Variants in TXNL1 observed in about 807,000 individuals in gnomAD.
The protein encoded by TXNL1 is thioredoxin-like protein 1.
TXNL1 carries 14 observed loss-of-function variants against 35.5 expected under a neutral mutation model. The observed-to-expected ratio is 0.39, with a 90% CI of 0.26 to 0.62. The LOEUF (loss-of-function observed/expected upper bound fraction) is 0.62. Among genes scored for constraint, TXNL1 ranks in the 20% least tolerant of loss-of-function variants. The pLI is 0.47. For synonymous variants in TXNL1, 110 were observed against 115.5 expected (o/e 0.95, Z 0.31); for missense variants, 263 against 349.7 (o/e 0.75, Z 1.98).
At chr18:56,637,768 G>A (rs559951088) in intron 1 of TXNL1, among the ~76,000 whole-genome samples, 3 of 152,250 alleles carry the variant, frequency 2.0e-5, no homozygotes, top group African/African-American at 7.2e-5. Context: ...GCCGAACGAG[G>A]AAGAAAAAAG....
rs551686830 is a variant in TXNL1, at chr18:56,635,467, G to A, written c.98+2876C>T. Reference sequence around the variant, plus strand: ...GAAATTCTGAGACATACTAAGACATGGATGAACCTTGAAAATACTATGCTA... The same window carrying A: ...GAAATTCTGAGACATACTAAGACATAGATGAACCTTGAAAATACTATGCTA... On this transcript the variant is annotated intron_variant, in intron 1 of 7. Transcript: ENST00000217515. 3.9e-5 allele frequency among the ~76,000 whole-genome samples: 6 copies of A among 152,250 alleles called. No homozygotes were observed. The East Asian group carries it at 9.6e-4, about 24-fold the overall frequency.
chr18:56,634,040 G>T (rs2024419139), intron 1 of TXNL1, among the ~76,000 whole-genome samples: 1 of 151,082 alleles, frequency 6.6e-6, no homozygotes, highest in South Asian at 2.1e-4. Flanking sequence ...TGGGGAGGGG[G>T]GAGACCAGGG....
intron 1 of TXNL1, among the ~76,000 whole-genome samples, chr18:56,635,014 C>T (rs2024433975): frequency 6.6e-6 from 1 of 152,176 alleles, no homozygotes; most frequent in African/African-American, 2.4e-5. Flanking sequence ...GTAACCCCAG[C>T]AATTTGGGAT....
chr18:56,625,388 A>G (rs1171472854), intron 2 of TXNL1, among the ~76,000 whole-genome samples: 1 of 152,164 alleles, frequency 6.6e-6, no homozygotes, highest in East Asian at 1.9e-4. Flanking sequence ...AATCTAATCA[A>G]CATAAAAAGA....
chr18:56,615,220 AGAAG>A (rs1473660376), intron 5 of TXNL1, among the ~76,000 whole-genome samples: 1 of 152,160 alleles, frequency 6.6e-6, no homozygotes, highest in African/African-American at 2.4e-5. Flanking sequence ...TTGTGGCTGA[AGAAG>A]GAAAAGTAAG....
intron 3 of TXNL1, among the ~76,000 whole-genome samples, chr18:56,621,739 C>A (rs543863684): frequency 1.3e-5 from 2 of 152,008 alleles, no homozygotes; most frequent in African/African-American, 4.8e-5. Context: ...GTGGCTCACA[C>A]GTGTAATCCT....
At chr18:56,616,675 C>A (rs529803560) in intron 4 of TXNL1, among the ~76,000 whole-genome samples, 2 of 152,124 alleles carry the variant, frequency 1.3e-5, no homozygotes, top group Non-Finnish European at 2.9e-5. Context: ...CATAGCTCTA[C>A]GATGGTTTAT....
In TXNL1 at chr18:56,614,499, C is replaced by G. The variant is rs769155225; in HGVS notation, c.660G>C (p.Leu220=). The G allele has an allele frequency of 2.5e-6, 4 of 1,613,936 alleles. No individual in the cohort carries two copies. The highest frequency in any genetic ancestry group is 3.4e-6 in the Non-Finnish European group (4 of 1,179,934). The change falls in exon 6 of 8, where the codon CTG becomes CTC. Residue 220 remains leucine, a synonymous_variant. Transcript: ENST00000217515. ...CATCTTCTTTAATATCATCCTCTGT[C>G]AGTTCCAGAGCTTGAGTTGGTTCAC... is the stretch of plus-strand genomic sequence containing the variant. ...ERSEPTQALE[L]TEDDIKEDGI...
intron 6 of TXNL1, among the ~76,000 whole-genome samples, chr18:56,612,189 T>C (rs1156256531): frequency 1.3e-5 from 2 of 151,896 alleles, no homozygotes; most frequent in East Asian, 1.9e-4. Flanking sequence ...ATAGAGAATG[T>C]TGAAAGGGTA....
At chr18:56,638,200 G>A (rs1323914609) in intron 1 of TXNL1, 143 bp downstream of exon 1, 20 of 800,402 alleles carry the variant, frequency 2.5e-5, no homozygotes, top group Non-Finnish European at 3.6e-5. Flanking sequence ...GAGAAACGAG[G>A]CCTAATTCCG....
At chr18:56,634,633 C>T (rs1228016425) in intron 1 of TXNL1, among the ~76,000 whole-genome samples, 1 of 152,148 alleles carries the variant, frequency 6.6e-6, no homozygotes, top group Non-Finnish European at 1.5e-5. Flanking sequence ...GAACTGGACC[C>T]TAACTTTATG....
At chr18:56,618,276 C>A in intron 3 of TXNL1, 150 bp from the exon 4 acceptor site, 3 of 801,918 alleles carry the variant, frequency 3.7e-6, no homozygotes, top group East Asian at 5.5e-5. Context: ...CTTTCATTTG[C>A]ATTTCTGACT....
chr18:56,631,003 C>T (rs2024361506), intron 1 of TXNL1, among the ~76,000 whole-genome samples: 2 of 152,010 alleles, frequency 1.3e-5, no homozygotes, highest in Non-Finnish European at 2.9e-5. Context: ...ACCTCAGCCT[C>T]CCAAGCAGCT....
intron 3 of TXNL1, among the ~76,000 whole-genome samples, chr18:56,623,004 G>T (rs1289402135): frequency 1.3e-5 from 2 of 150,780 alleles, no homozygotes; most frequent in African/African-American, 2.5e-5. Context: ...CACCCATATA[G>T]AAAGAATCTC....
At chr18:56,624,982 C>T (rs2024252404) in intron 2 of TXNL1, among the ~76,000 whole-genome samples, 1 of 152,144 alleles carries the variant, frequency 6.6e-6, no homozygotes, top group African/African-American at 2.4e-5. Flanking sequence ...CACATTCTAA[C>T]AGCTATCTTT....
At chr18:56,637,922 G>A (rs1049920796) in intron 1 of TXNL1, among the ~76,000 whole-genome samples, 1 of 152,188 alleles carries the variant, frequency 6.6e-6, no homozygotes, top group South Asian at 2.1e-4. Flanking sequence ...AGGTGGTGAA[G>A]AGAAACAAAG....
intron 3 of TXNL1, among the ~76,000 whole-genome samples, chr18:56,623,870 G>A (rs1025227844): frequency 1.3e-5 from 2 of 151,094 alleles, no homozygotes; most frequent in African/African-American, 4.9e-5. Context: ...TATAGGAAGT[G>A]AGTGACAGTA....
intron 3 of TXNL1, among the ~76,000 whole-genome samples, chr18:56,619,817 G>A (rs749780905): frequency 2.6e-4 from 39 of 151,962 alleles, no homozygotes; most frequent in Non-Finnish European, 4.0e-4. Context: ...GAATGCTTTA[G>A]GAATAAAGGG....
At chr18:56,608,640 CAAGTATCCAGGG>C (rs973068696) in intron 7 of TXNL1, 6 of 152,164 alleles carry the variant, frequency 3.9e-5, no homozygotes, top group African/African-American at 1.2e-4. Context: ...ATTCTCTTCA[CAAGTATCCAGGG>C]GAGTTTTCCA....
Sources: allele counts gnomAD v4.1 joint callset (sites outside exome capture counted in the v4.1 genomes callset), GRCh38; gene constraint gnomAD v4.1.1; transcripts MANE v1.5; gene names NCBI Gene and HGNC (gene_info 2026-07-23, HGNC 2026-07-21).